EXOC4: variants seen among roughly 807,000 people sequenced by gnomAD.
The protein encoded by EXOC4 is exocyst complex component 4.
Under a neutral mutation model 107.2 loss-of-function variants are expected in EXOC4, and 71 were observed. That is an observed-to-expected ratio of 0.66 (90% confidence interval 0.55 to 0.81). The LOEUF is 0.81. Ranked by LOEUF, EXOC4 falls within the 30% of genes least tolerant of loss-of-function variation. The pLI, the probability that EXOC4 is intolerant of heterozygous loss-of-function variation, is 0.00. For synonymous variants in EXOC4, 456 were observed against 441.2 expected (o/e 1.03, Z -0.42); for missense variants, 1,108 against 1,189.6 (o/e 0.93, Z 1.01).
chr7:133,467,750 AT>A (rs910010715), intron 7 of EXOC4, among the ~76,000 whole-genome samples: 38 of 147,306 alleles, frequency 2.6e-4, no homozygotes, highest in Non-Finnish European at 4.3e-4. Context: ...CTGTGCCTTC[AT>A]TTTTTTTTGT....
At position 133,817,855 on chromosome 7, in the gene EXOC4, T is replaced by C. The variant is rs145610370; in HGVS notation, c.1734+311T>C. 2.2e-3 allele frequency among the ~76,000 whole-genome samples: 335 copies of C among 152,238 alleles called. 1 individual carries two copies. Among genetic ancestry groups the C allele is most frequent in the African/African-American group, 7.5e-3 (313 of 41,554 alleles). On this transcript the variant is annotated intron_variant, in intron 11 of 17. Transcript: ENST00000253861. ...GTCCTTGAAAGGAACTATTTTTCCATTGGTGAATGCATCCCTGAGTATGAA... is the reference window on the plus strand; with the variant it reads ...GTCCTTGAAAGGAACTATTTTTCCACTGGTGAATGCATCCCTGAGTATGAA...
Position 133,260,791 on chromosome 7 carries a change from TTG to T in EXOC4, c.86+7620_86+7621del, listed in dbSNP as rs140959477. Among the ~76,000 whole-genome samples the T allele has an allele frequency of 7.8e-3, 1,185 of 151,082 alleles. 14 individuals are homozygous for T. Among genetic ancestry groups the T allele is most frequent in the African/African-American group, 0.026 (1,059 of 41,214 alleles). On this transcript the variant is annotated intron_variant, in intron 1 of 17. Coordinates refer to ENST00000253861, the MANE Select transcript of EXOC4 (RefSeq NM_021807.4). ...TTAATTCTTCAATTGATCTCAGCAA[TTG>T]TGTGTGTGTGTGTGTATAGATTTTA...
At chr7:133,463,424 G>A (rs1390974813) in intron 7 of EXOC4, among the ~76,000 whole-genome samples, 1 of 152,128 alleles carries the variant, frequency 6.6e-6, no homozygotes, top group Non-Finnish European at 1.5e-5. Context: ...CTGTGATATG[G>A]ATGTGAGAAC....
At chr7:133,677,055 G>A (rs184885618) in intron 10 of EXOC4, among the ~76,000 whole-genome samples, 26 of 150,962 alleles carry the variant, frequency 1.7e-4, no homozygotes, top group African/African-American at 5.8e-4. Context: ...TATTTATGCT[G>A]ATAACATCTG....
intron 9 of EXOC4, among the ~76,000 whole-genome samples, chr7:133,540,628 T>C (rs1248137894): frequency 6.6e-6 from 1 of 152,232 alleles, no homozygotes; most frequent in African/African-American, 2.4e-5. Flanking sequence ...TATGTATGTG[T>C]GTGTGTCCTG....
chr7:133,741,207 C>A (rs983809577), intron 10 of EXOC4, among the ~76,000 whole-genome samples: 1 of 152,120 alleles, frequency 6.6e-6, no homozygotes, highest in Non-Finnish European at 1.5e-5. Flanking sequence ...AGCTCCCCAG[C>A]AGGTATCTTC....
chr7:133,408,072 T>C (rs1047573517), intron 7 of EXOC4, among the ~76,000 whole-genome samples: 8 of 152,008 alleles, frequency 5.3e-5, no homozygotes. Flanking sequence ...GTGTTGATGG[T>C]GTAATAGATG....
intron 10 of EXOC4, among the ~76,000 whole-genome samples, chr7:133,774,647 A>T (rs1265403532): frequency 6.6e-6 from 1 of 152,120 alleles, no homozygotes; most frequent in African/African-American, 2.4e-5. Context: ...ACTTTTTTCA[A>T]GCCTAACTTC....
intron 10 of EXOC4, among the ~76,000 whole-genome samples, chr7:133,725,952 A>G (rs1795206251): frequency 6.6e-6 from 1 of 152,214 alleles, no homozygotes; most frequent in Non-Finnish European, 1.5e-5. Flanking sequence ...TTTGGACTCC[A>G]CATTTGACAA....
intron 14 of EXOC4, among the ~76,000 whole-genome samples, chr7:133,972,481 T>C (rs1483626485): frequency 1.3e-5 from 2 of 152,218 alleles, no homozygotes; most frequent in South Asian, 2.1e-4. Flanking sequence ...TCGTTACTTA[T>C]CTTCCTTATC....
At chr7:134,084,882 A>G in the EXOC4 span, among the ~76,000 whole-genome samples, 1 of 151,542 alleles carries the variant, frequency 6.6e-6, no homozygotes, top group Non-Finnish European at 1.5e-5. Context: ...AGATTCAGAG[A>G]GACTACAGTG....
At chr7:133,951,429 T>C (rs1253549962) in intron 14 of EXOC4, among the ~76,000 whole-genome samples, 3 of 152,218 alleles carry the variant, frequency 2.0e-5, no homozygotes, top group African/African-American at 7.2e-5. Context: ...TGATAAATAG[T>C]AGTTTCTTCT....
rs565021783 is a variant in EXOC4, at chr7:133,404,522, T to C, written c.1182+29520T>C. 5.4e-4 allele frequency among the ~76,000 whole-genome samples: 83 copies of C among 152,310 alleles called. 1 individual carries two copies. The highest frequency in any genetic ancestry group is 1.4e-3 in the Admixed American group (22 of 15,294). Reference sequence around the variant, plus strand: ...ATTAGTTTCTTGGTGGGGTCCTTTCTTTCTTGCCTCCAATCTTTTGCACAT... The same window carrying C: ...ATTAGTTTCTTGGTGGGGTCCTTTCCTTCTTGCCTCCAATCTTTTGCACAT... On this transcript the variant is annotated intron_variant, in intron 7 of 17. Transcript: ENST00000253861.
chr7:133,388,386 G>A (rs569836393), intron 7 of EXOC4, among the ~76,000 whole-genome samples: 3 of 152,008 alleles, frequency 2.0e-5, no homozygotes, highest in Non-Finnish European at 2.9e-5. Context: ...ATGGTGGCTC[G>A]CGTCTGTAAT....
At chr7:133,867,508 G>A (rs1798666207) in intron 11 of EXOC4, among the ~76,000 whole-genome samples, 1 of 152,126 alleles carries the variant, frequency 6.6e-6, no homozygotes, top group Non-Finnish European at 1.5e-5. Context: ...GCATTTCTTG[G>A]AGCAAAGGAA....
intron 6 of EXOC4, among the ~76,000 whole-genome samples, chr7:133,369,466 T>C (rs761520812): frequency 6.6e-6 from 1 of 152,186 alleles, no homozygotes; most frequent in Non-Finnish European, 1.5e-5. Flanking sequence ...TTCTCTCTCT[T>C]AGCCTTACCA....
At chr7:133,264,528 C>T (rs1171725372) in intron 1 of EXOC4, among the ~76,000 whole-genome samples, 2 of 152,018 alleles carry the variant, frequency 1.3e-5, no homozygotes, top group Admixed American at 6.5e-5. Flanking sequence ...TAAGCAATCA[C>T]AATGTATAAT....
intron 10 of EXOC4, among the ~76,000 whole-genome samples, chr7:133,748,613 G>A (rs1378940716): frequency 6.6e-6 from 1 of 152,160 alleles, no homozygotes; most frequent in Non-Finnish European, 1.5e-5. Context: ...ATAACAAGGG[G>A]AAAAAGCACA....
intron 5 of EXOC4, among the ~76,000 whole-genome samples, chr7:133,325,689 C>T (rs1355829328): frequency 6.6e-6 from 1 of 152,084 alleles, no homozygotes; most frequent in African/African-American, 2.4e-5. Flanking sequence ...AATTATTTGC[C>T]TTGGAGTTGC....
Sources: allele counts gnomAD v4.1 joint callset (sites outside exome capture counted in the v4.1 genomes callset), GRCh38; gene constraint gnomAD v4.1.1; transcripts MANE v1.5; gene names NCBI Gene and HGNC (gene_info 2026-07-23, HGNC 2026-07-21).